Variants in LIN9 observed in about 807,000 individuals in gnomAD.
LIN9 encodes the protein lin-9 DREAM MuvB core complex component, also known as protein lin-9 homolog.
Under a neutral mutation model 78.0 loss-of-function variants are expected in LIN9, and 18 were observed. That is an observed-to-expected ratio of 0.23 (90% confidence interval 0.16 to 0.34). LIN9 has a LOEUF of 0.34. Among genes scored for constraint, LIN9 ranks in the 10% least tolerant of loss-of-function variants. The pLI is 1.00. For synonymous variants in LIN9, 192 were observed against 215.2 expected (o/e 0.89, Z 0.94); for missense variants, 451 against 644.1 (o/e 0.70, Z 3.25).
chr1:226,266,465 TTTAA>T (rs1241519404), intron 8 of LIN9, 133 bp from the exon 9 acceptor site: 3 of 563,282 alleles, frequency 5.3e-6, no homozygotes, highest in Non-Finnish European at 5.4e-6. Flanking sequence ...TACTTATATA[TTTAA>T]TTATTTATAG....
chr1:226,237,491 G>A (rs1227578069), intron 12 of LIN9, among the ~76,000 whole-genome samples: 2 of 151,712 alleles, frequency 1.3e-5, no homozygotes, highest in East Asian at 3.9e-4. Context: ...AATTACCTGG[G>A]CGTGGTAATG....
intron 11 of LIN9, among the ~76,000 whole-genome samples, chr1:226,243,492 C>T (rs776631004): frequency 6.6e-6 from 1 of 152,006 alleles, no homozygotes; most frequent in South Asian, 2.1e-4. Flanking sequence ...GTCAGGAGTT[C>T]GAGACCAGCC....
At chr1:226,258,748 G>A (rs1420764744) in intron 10 of LIN9, among the ~76,000 whole-genome samples, 6 of 150,714 alleles carry the variant, frequency 4.0e-5, no homozygotes, top group Non-Finnish European at 5.9e-5. Flanking sequence ...AAAATTAGCC[G>A]GGCATGGTGG....
intron 7 of LIN9, among the ~76,000 whole-genome samples, chr1:226,273,583 T>C (rs1480495579): frequency 6.6e-6 from 1 of 152,136 alleles, no homozygotes; most frequent in Non-Finnish European, 1.5e-5. Context: ...CTTTTGACTT[T>C]TTAACTATAC....
chr1:226,253,809 G>C (rs906118679), intron 10 of LIN9, among the ~76,000 whole-genome samples: 1 of 152,020 alleles, frequency 6.6e-6, no homozygotes, highest in Non-Finnish European at 1.5e-5. Context: ...TGGCTACTCA[G>C]AAGGCTGAGG....
upstream of LIN9, chr1:226,309,445 C>A: frequency 9.3e-7 from 1 of 1,080,088 alleles, no homozygotes; most frequent in Non-Finnish European, 1.1e-6. Flanking sequence ...GCAGTACCAG[C>A]TCCGGAGTCC....
chr1:226,286,554 CATATAT>C, intron 5 of LIN9, 96 bp from the exon 6 acceptor site: 1 of 830,034 alleles, frequency 1.2e-6, no homozygotes, highest in Non-Finnish European at 1.8e-6. Flanking sequence ...ACTTCTACCC[CATATAT>C]ATATATAAAC....
rs532381607 is a variant in LIN9 at position 226,243,695 on chromosome 1, C to CAAAAAA, written c.1120-4605_1120-4600dup. ...TGGGCAACAGAGCGAGACTCCGTCT[C>CAAAAAA]AAAAAAAAAAAAAAAAAAAAAAGGT... is the stretch of plus-strand genomic sequence containing the variant. On this transcript the variant is annotated intron_variant, in intron 11 of 14. Transcript: ENST00000681046. 7.6e-4 allele frequency among the ~76,000 whole-genome samples: 27 copies of CAAAAAA among 35,386 alleles called. 1 individual carries two copies. Among genetic ancestry groups the CAAAAAA allele is most frequent in the African/African-American group, 2.6e-3 (25 of 9,724 alleles). The allele number at this position is 35,386 out of a possible 152,430, so 23.2% of individuals were successfully genotyped here.
At chr1:226,293,607 T>C (rs987943049) in intron 4 of LIN9, among the ~76,000 whole-genome samples, 2 of 152,248 alleles carry the variant, frequency 1.3e-5, no homozygotes, top group Non-Finnish European at 2.9e-5. Flanking sequence ...TGAGACAGAC[T>C]CTTGTTCTGT....
At chr1:226,284,862 CTTAGG>C (rs1295484265) in intron 6 of LIN9, among the ~76,000 whole-genome samples, 2 of 152,152 alleles carry the variant, frequency 1.3e-5, no homozygotes, top group African/African-American at 4.8e-5. Context: ...CATATTTCCT[CTTAGG>C]TTCTTTCCTG....
intron 10 of LIN9, among the ~76,000 whole-genome samples, chr1:226,263,724 A>C (rs1434216620): frequency 6.6e-6 from 1 of 152,232 alleles, no homozygotes; most frequent in African/African-American, 2.4e-5. Flanking sequence ...TAAAATATCC[A>C]TCTGCCTTGA....
intron 11 of LIN9, among the ~76,000 whole-genome samples, chr1:226,242,809 C>T (rs1182967049): frequency 1.3e-5 from 2 of 152,192 alleles, no homozygotes; most frequent in Non-Finnish European, 2.9e-5. Context: ...TCCTCCTTCT[C>T]CTCAGCCTAC....
chr1:226,281,613 A>C (rs1008465245), intron 6 of LIN9, among the ~76,000 whole-genome samples: 3 of 152,116 alleles, frequency 2.0e-5, no homozygotes, highest in African/African-American at 7.2e-5. Context: ...TATCAATTTA[A>C]AAAATATACC....
At chr1:226,253,901 T>A (rs1227803055) in intron 10 of LIN9, among the ~76,000 whole-genome samples, 1 of 151,364 alleles carries the variant, frequency 6.6e-6, no homozygotes, top group Admixed American at 6.6e-5. Context: ...GGCAACAGAG[T>A]AAGATTCTGT....
chr1:226,249,871 T>C (rs1445388222), intron 11 of LIN9, among the ~76,000 whole-genome samples: 1 of 152,188 alleles, frequency 6.6e-6, no homozygotes, highest in African/African-American at 2.4e-5. Flanking sequence ...CATAAACAGC[T>C]TTTTAAAAAA....
intron 7 of LIN9, among the ~76,000 whole-genome samples, chr1:226,276,688 A>G (rs577990300): frequency 1.8e-4 from 28 of 152,228 alleles, no homozygotes; most frequent in African/African-American, 5.3e-4. Context: ...CCATTTTTCA[A>G]TGGTTGAAGT....
chr1:226,289,560 G>A (rs1042699442), intron 4 of LIN9, among the ~76,000 whole-genome samples: 13 of 151,722 alleles, frequency 8.6e-5, no homozygotes, highest in African/African-American at 1.7e-4. Context: ...ACGGGCTCTC[G>A]CTATGTTACC....
chr1:226,285,700 G>A (rs555450501), intron 6 of LIN9, among the ~76,000 whole-genome samples: 2 of 152,252 alleles, frequency 1.3e-5, no homozygotes, highest in East Asian at 3.9e-4. Flanking sequence ...TTCTCAGGAA[G>A]TAACATATTA....
Position 226,286,421 on chromosome 1 carries a change from G to T in LIN9, c.436C>A (p.Leu146Ile). ...FEGDNDFCVCLKESFPNLKTR... is the reference protein window; with the variant it reads ...FEGDNDFCVCIKESFPNLKTR... ...TTCAAATTAGGAAAAGATTCCTTTA[G>T]ACATACACAGAAGTCATTATCACCT... is the stretch of plus-strand genomic sequence containing the variant. The change falls in exon 6 of 15, where the codon CTA becomes ATA. Residue 146 changes from leucine to isoleucine, a missense_variant. Transcript: ENST00000681046. 6.2e-7 allele frequency: 1 copy of T among 1,606,132 alleles called. No individual in the cohort carries two copies. The highest frequency in any genetic ancestry group is 8.5e-7 in the Non-Finnish European group (1 of 1,174,276).
Sources: allele counts gnomAD v4.1 joint callset (sites outside exome capture counted in the v4.1 genomes callset), GRCh38; gene constraint gnomAD v4.1.1; transcripts MANE v1.5; gene names NCBI Gene and HGNC (gene_info 2026-07-23, HGNC 2026-07-21).